The following EPHA6 variants were observed in gnomAD, a reference collection of about 807,000 sequenced individuals.
The protein encoded by EPHA6 is ephrin type-A receptor 6.
EPHA6 carries 50 observed loss-of-function variants against 112.0 expected under a neutral mutation model. That is an observed-to-expected ratio of 0.45 (90% CI 0.36 to 0.56). The LOEUF (loss-of-function observed/expected upper bound fraction) is 0.56. Among genes scored for constraint, EPHA6 ranks in the 20% least tolerant of loss-of-function variants. The pLI, the probability that EPHA6 is intolerant of heterozygous loss-of-function variation, is 0.00. For missense variants in EPHA6, 1,280 were observed against 1,417.4 expected (o/e 0.90, Z 1.56); for synonymous variants, 529 against 490.7 (o/e 1.08, Z -1.03).
intron 2 of EPHA6, among the ~76,000 whole-genome samples, chr3:96,884,551 A>G (rs764662801): frequency 5.3e-5 from 8 of 152,180 alleles, no homozygotes; most frequent in African/African-American, 1.9e-4. Flanking sequence ...TGGAAGAGCT[A>G]CTGACTTGTG....
At chr3:97,543,560 A>G (rs2092900035) in intron 11 of EPHA6, among the ~76,000 whole-genome samples, 1 of 152,092 alleles carries the variant, frequency 6.6e-6, no homozygotes, top group Admixed American at 6.5e-5. Context: ...TTGGCTTAGG[A>G]TTGACTTGGC....
chr3:97,226,958 G>C (rs1436831596), intron 4 of EPHA6, among the ~76,000 whole-genome samples: 2 of 152,010 alleles, frequency 1.3e-5, no homozygotes, highest in Non-Finnish European at 2.9e-5. Flanking sequence ...CAATATTTTT[G>C]GTTAGAAGCA....
At chr3:97,500,650 C>T (rs1333243129) in intron 10 of EPHA6, among the ~76,000 whole-genome samples, 1 of 152,150 alleles carries the variant, frequency 6.6e-6, no homozygotes, top group Non-Finnish European at 1.5e-5. Flanking sequence ...CAAACCATAT[C>T]ATGGTAGTAG....
intron 12 of EPHA6, among the ~76,000 whole-genome samples, chr3:97,602,148 C>T (rs2093648334): frequency 6.6e-6 from 1 of 152,000 alleles, no homozygotes; most frequent in Non-Finnish European, 1.5e-5. Flanking sequence ...GAAATTTCAA[C>T]TGCTAAGCCT....
At chr3:97,593,131 T>C (rs1238110530) in intron 12 of EPHA6, among the ~76,000 whole-genome samples, 1 of 152,004 alleles carries the variant, frequency 6.6e-6, no homozygotes, top group African/African-American at 2.4e-5. Flanking sequence ...ATAGAGTTGA[T>C]AGAGAATTAA....
chr3:97,491,571 G>C (rs2091838885), intron 10 of EPHA6, among the ~76,000 whole-genome samples: 1 of 150,604 alleles, frequency 6.6e-6, no homozygotes, highest in Admixed American at 6.6e-5. Context: ...TCAATTATTA[G>C]GTGTTTCTTT....
intron 14 of EPHA6, chr3:97,648,375 C>T (rs1192524377): frequency 6.5e-7 from 1 of 1,528,930 alleles, no homozygotes; most frequent in South Asian, 1.2e-5. Flanking sequence ...GAAGACATAG[C>T]CTACACCCAA....
At chr3:97,464,137 A>G (rs901405531) in intron 7 of EPHA6, among the ~76,000 whole-genome samples, 2 of 152,122 alleles carry the variant, frequency 1.3e-5, no homozygotes, top group Non-Finnish European at 2.9e-5. Flanking sequence ...AGTGTCAACC[A>G]TGCATGAAAA....
intron 2 of EPHA6, among the ~76,000 whole-genome samples, chr3:96,888,833 A>G (rs1575933543): frequency 2.0e-5 from 3 of 152,056 alleles, no homozygotes; most frequent in Non-Finnish European, 4.4e-5. Context: ...GCTGGCTTGG[A>G]TTTCTCCTCA....
Position 97,759,134 on chromosome 3 carries a change from A to G in EPHA6, c.*10433A>G, listed in dbSNP as rs572500884. Among the ~76,000 whole-genome samples, 20 of 152,156 alleles carry G rather than the reference A, an allele frequency of 1.3e-4. No individual in the cohort carries two copies. The highest frequency in any genetic ancestry group is 4.3e-4 in the African/African-American group (18 of 41,564). On this transcript the variant is annotated 3_prime_UTR_variant, in exon 18 of 18. Coordinates refer to ENST00000389672, the MANE Select transcript of EPHA6 (RefSeq NM_001080448.3). Reference sequence around the variant, plus strand: ...GGAGTATAAAGTAAGCTAGAGAAAAAGGAAATGCAGTTGCTCATCTGGATT... The same window carrying G: ...GGAGTATAAAGTAAGCTAGAGAAAAGGGAAATGCAGTTGCTCATCTGGATT...
intron 5 of EPHA6, among the ~76,000 whole-genome samples, chr3:97,319,396 A>C (rs1232308676): frequency 6.6e-6 from 1 of 151,766 alleles, no homozygotes; most frequent in Non-Finnish European, 1.5e-5. Flanking sequence ...TATCTGGCAC[A>C]GTGGCTCATG....
At chr3:97,209,281 C>T (rs2077799815) in intron 3 of EPHA6, among the ~76,000 whole-genome samples, 1 of 151,922 alleles carries the variant, frequency 6.6e-6, no homozygotes, top group African/African-American at 2.4e-5. Flanking sequence ...GTAATTATTA[C>T]CAGGAATGTC....
At chr3:96,820,088 A>G (rs986225602) in intron 1 of EPHA6, among the ~76,000 whole-genome samples, 24 of 152,088 alleles carry the variant, frequency 1.6e-4, no homozygotes, top group African/African-American at 5.8e-4. Flanking sequence ...CTGACTGAGC[A>G]AGGGTCTCGA....
intron 4 of EPHA6, 66 bp downstream of exon 4, chr3:97,226,485 T>G: frequency 7.1e-7 from 1 of 1,416,216 alleles, no homozygotes; most frequent in Non-Finnish European, 9.6e-7. Flanking sequence ...CATTCTAAAT[T>G]TAAAAAATAA....
intron 11 of EPHA6, among the ~76,000 whole-genome samples, chr3:97,557,716 A>G (rs2093131661): frequency 1.3e-5 from 2 of 151,888 alleles, no homozygotes; most frequent in African/African-American, 4.8e-5. Context: ...TGTGCATGCT[A>G]GATATGCTGA....
chr3:97,632,391 A>C lies in EPHA6; in HGVS notation c.2575-5482A>C, dbSNP rs555487962. Among the ~76,000 whole-genome samples, 6 of 152,152 alleles carry C rather than the reference A, an allele frequency of 3.9e-5. No homozygotes were observed. In the East Asian group the frequency reaches 7.8e-4, roughly 20 times the overall value. ...ATCATGTTCAATCCAGTGGGAGAGA[A>C]AAACACATACATATTTGGTTTTAGC... On this transcript the variant is annotated intron_variant, in intron 13 of 17. Transcript: ENST00000389672.
intron 3 of EPHA6, among the ~76,000 whole-genome samples, chr3:96,988,209 T>C (rs997955563): frequency 2.6e-5 from 4 of 152,172 alleles, no homozygotes; most frequent in African/African-American, 9.6e-5. Context: ...GTAAATATTA[T>C]ACATTTATTT....
intron 5 of EPHA6, among the ~76,000 whole-genome samples, chr3:97,311,569 A>G (rs1335323879): frequency 6.6e-6 from 1 of 151,694 alleles, no homozygotes; most frequent in East Asian, 1.9e-4. Flanking sequence ...TTTGAATTGC[A>G]TTGGCAACTT....
chr3:97,370,723 G>T (rs1386095502), intron 5 of EPHA6, among the ~76,000 whole-genome samples: 2 of 152,056 alleles, frequency 1.3e-5, no homozygotes, highest in African/African-American at 2.4e-5. Context: ...ACATTTTCTA[G>T]CACCTAATCT....
Sources: gnomAD v4.1 joint callset for allele counts (sites outside exome capture counted in the v4.1 genomes callset) on GRCh38, gnomAD v4.1.1 for gene constraint, MANE v1.5 for transcripts, NCBI Gene and HGNC (gene_info 2026-07-23, HGNC 2026-07-21) for gene names.